The following PCDHGA7 variants were observed in gnomAD, a reference collection of about 807,000 sequenced individuals.
PCDHGA7 encodes the protein protocadherin gamma-A7.
PCDHGA7 carries 44 observed loss-of-function variants against 58.3 expected under a neutral mutation model. The ratio of observed to expected loss-of-function variants is 0.75; its 90% CI spans 0.59 to 0.97. The LOEUF (loss-of-function observed/expected upper bound fraction) is 0.97. Ranked by LOEUF, PCDHGA7 falls within the 50% of genes least tolerant of loss-of-function variation. The pLI, the probability that PCDHGA7 is intolerant of heterozygous loss-of-function variation, is 0.00. For missense variants in PCDHGA7, 1,266 were observed against 1,188.7 expected (o/e 1.06, Z -0.96); for synonymous variants, 516 against 504.2 (o/e 1.02, Z -0.31).
rs1463716042 is a variant in PCDHGA7 at position 141,511,338 on chromosome 5, T to C, written c.*165T>C. 42 of 1,429,834 alleles carry C rather than the reference T, an allele frequency of 2.9e-5. No homozygotes were observed. The highest frequency in any genetic ancestry group is 3.9e-5 in the Non-Finnish European group (42 of 1,075,502). 88.6% of individuals were successfully genotyped at this position (1,429,834 alleles called of 1,614,324 possible). A position where few individuals can be genotyped will look rare whatever the true frequency, so the allele number is the denominator to read the frequency against. On this transcript the variant is annotated 3_prime_UTR_variant, in exon 4 of 4. Coordinates refer to ENST00000518325, the MANE Select transcript of PCDHGA7 (RefSeq NM_018920.4). ...CAGAAACAAGTGCCCAGTCAGCACC[T>C]ACCCCTTCCCCCCCAGGGGGTTGAA... is the stretch of plus-strand genomic sequence containing the variant.
At chr5:141,461,689 A>G (rs2099020485) in intron 1 of PCDHGA7, among the ~76,000 whole-genome samples, 1 of 152,120 alleles carries the variant, frequency 6.6e-6, no homozygotes, top group Admixed American at 6.6e-5. Context: ...GTTTATTTTG[A>G]GACAGAGTTT....
At chr5:141,435,306 T>C (rs2154556603) in intron 1 of PCDHGA7, among the ~76,000 whole-genome samples, 1 of 152,358 alleles carries the variant, frequency 6.6e-6, no homozygotes, top group East Asian at 1.9e-4. Flanking sequence ...TGGTTTTAAA[T>C]CATTCATGAA....
intron 1 of PCDHGA7, chr5:141,415,314 C>G (rs375384840): frequency 1.9e-6 from 3 of 1,614,238 alleles, no homozygotes; most frequent in South Asian, 1.1e-5. Context: ...CCTTCGTCAT[C>G]GTGCTGCTGG....
At chr5:141,480,398 G>C (rs2099518275) in intron 1 of PCDHGA7, among the ~76,000 whole-genome samples, 1 of 149,050 alleles carries the variant, frequency 6.7e-6, no homozygotes, top group Non-Finnish European at 1.5e-5. Context: ...CATGGCAATA[G>C]AGTGAGACCC....
At chr5:141,446,697 C>T (rs1254994356) in intron 1 of PCDHGA7, among the ~76,000 whole-genome samples, 9 of 152,134 alleles carry the variant, frequency 5.9e-5, no homozygotes, top group Admixed American at 5.9e-4. Context: ...AGGCTGGTCT[C>T]GAACTCTGAT....
chr5:141,502,900 T>C (rs1433421797), intron 2 of PCDHGA7, among the ~76,000 whole-genome samples: 2 of 147,288 alleles, frequency 1.4e-5, no homozygotes, highest in Non-Finnish European at 3.0e-5. Flanking sequence ...TCTAGCTCTG[T>C]TGCCAGGCTG....
chr5:141,453,288 A>ATTAT (rs577328880), intron 1 of PCDHGA7, among the ~76,000 whole-genome samples: 1,792 of 151,444 alleles, frequency 0.012, 41 homozygotes, highest in African/African-American at 0.034. Context: ...TAATTTTTTA[A>ATTAT]TTATTTATTT....
At chr5:141,443,312 C>T (rs1296976995) in intron 1 of PCDHGA7, among the ~76,000 whole-genome samples, 2 of 115,698 alleles carry the variant, frequency 1.7e-5, no homozygotes, top group Non-Finnish European at 3.3e-5. Flanking sequence ...AAAAACCCAT[C>T]TCTACAAAAA....
chr5:141,505,338 G>T, intron 2 of PCDHGA7, 55 bp from the exon 3 acceptor site: 1 of 1,612,254 alleles, frequency 6.2e-7, no homozygotes, highest in South Asian at 1.1e-5. Flanking sequence ...GGACAGGAGG[G>T]GCATGAGCTG....
At chr5:141,415,468 G>A (rs762272586) in intron 1 of PCDHGA7, 8 of 1,614,070 alleles carry the variant, frequency 5.0e-6, no homozygotes, top group East Asian at 2.2e-5. Context: ...CTCTCTCACC[G>A]CGGACTCGCG....
chr5:141,392,762 G>A lies in PCDHGA7; in HGVS notation c.2424+7439G>A, dbSNP rs1033759244. 8.8e-6 allele frequency: 13 copies of A among 1,478,030 alleles called. No individual in the cohort carries two copies. The African/African-American group carries it at 1.3e-4, about 14-fold the overall frequency. The allele number at this position is 1,478,030 out of a possible 1,614,324, so 91.6% of individuals were successfully genotyped here. ...ATAGCTGCGGCAAGAAACTAAATAA[G>A]ACCCATTTATGCACAGTGAAGATTC... On this transcript the variant is annotated intron_variant, in intron 1 of 3. Coordinates refer to ENST00000518325, the MANE Select transcript of PCDHGA7 (RefSeq NM_018920.4).
chr5:141,503,392 C>T lies in PCDHGA7; in HGVS notation c.2484-2001C>T, dbSNP rs554732406. 1.2e-4 allele frequency among the ~76,000 whole-genome samples: 18 copies of T among 151,870 alleles called. No individual in the cohort carries two copies. The South Asian group carries it at 3.5e-3, about 30-fold the overall frequency. On this transcript the variant is annotated intron_variant, in intron 2 of 3. Transcript: ENST00000518325. ...CAGGTGGATCATGAGGTCAGGAGTT[C>T]GAAACCAACCTGGCCAATATGGTGA...
At position 141,476,209 on chromosome 5, in the gene PCDHGA7, G is replaced by A. The variant is rs749576231; in HGVS notation, c.2425-18598G>A. ...TTGGTGCCTTGAACAAGGCTTCCAC[G>A]GTCATTCACTATGAGATCCCGGAGG... On this transcript the variant is annotated intron_variant, in intron 1 of 3. Coordinates refer to ENST00000518325, the MANE Select transcript of PCDHGA7 (RefSeq NM_018920.4). The surrounding 1 kb of genome is among the most constrained non-coding windows in gnomAD (Gnocchi z 7.6). The A allele has an allele frequency of 3.1e-6, 5 of 1,613,974 alleles. No individual in the cohort carries two copies. Among genetic ancestry groups the A allele is most frequent in the Admixed American group, 1.7e-5 (1 of 60,014 alleles).
chr5:141,433,358 C>T (rs974347696), intron 1 of PCDHGA7: 20 of 503,934 alleles, frequency 4.0e-5, no homozygotes, highest in African/African-American at 3.1e-4. Flanking sequence ...CTACTGTCTG[C>T]CTATCTATCT....
intron 1 of PCDHGA7, chr5:141,478,551 G>A (rs759604162): frequency 6.2e-6 from 10 of 1,603,054 alleles, no homozygotes; most frequent in South Asian, 3.3e-5. Context: ...GGACAGGTAA[G>A]GTTTAGCAAG....
At chr5:141,421,849 G>C in intron 1 of PCDHGA7, 4 of 1,613,766 alleles carry the variant, frequency 2.5e-6, no homozygotes, top group Non-Finnish European at 3.4e-6. Flanking sequence ...GAAAGAGGCT[G>C]CTCACCTGCT....
chr5:141,418,941 C>T, intron 1 of PCDHGA7: 1 of 1,614,034 alleles, frequency 6.2e-7, no homozygotes, highest in Non-Finnish European at 8.5e-7. Context: ...GAGGATTCCC[C>T]TCCAGGAGTG....
At chr5:141,389,245 C>A (rs755580542) in intron 1 of PCDHGA7, 6 of 1,613,950 alleles carry the variant, frequency 3.7e-6, no homozygotes, top group Non-Finnish European at 5.1e-6. Context: ...TCACAGTCTT[C>A]CTATATAGTC....
chr5:141,460,924 A>ATATATG (rs1561985817), intron 1 of PCDHGA7, among the ~76,000 whole-genome samples: 1 of 150,496 alleles, frequency 6.6e-6, no homozygotes, highest in African/African-American at 2.4e-5. Flanking sequence ...ATATATATAT[A>ATATATG]TGTGTGTGTG....
Sources: allele counts gnomAD v4.1 joint callset (sites outside exome capture counted in the v4.1 genomes callset), GRCh38; gene constraint gnomAD v4.1.1; non-coding constraint Gnocchi (gnomAD v3.1); transcripts MANE v1.5; gene names NCBI Gene and HGNC (gene_info 2026-07-23, HGNC 2026-07-21).